ASPH: variants seen among roughly 807,000 people sequenced by gnomAD.
The protein encoded by ASPH is aspartate beta-hydroxylase, also known as aspartyl/asparaginyl beta-hydroxylase.
A neutral mutation model predicts 118.4 loss-of-function variants in ASPH; 100 were observed. That is an observed-to-expected ratio of 0.84 (90% CI 0.72 to 1.00). ASPH has a LOEUF of 1.00. Among genes scored for constraint, ASPH ranks in the 50% least tolerant of loss-of-function variants. ASPH has a pLI of 0.00. For missense variants in ASPH, 920 were observed against 919.5 expected, an observed-to-expected ratio of 1.00 and a Z score of -0.01; for synonymous variants, 315 against 325.6, an observed-to-expected ratio of 0.97 and a Z score of 0.35.
chr8:61,516,144 C>T (rs1244906246), intron 24 of ASPH, among the ~76,000 whole-genome samples: 1 of 152,288 alleles, frequency 6.6e-6, no homozygotes, highest in East Asian at 1.9e-4. Context: ...GGCCTCTGTG[C>T]CTTTAATGGA....
intron 1 of ASPH, 42 bp from the exon 2 acceptor site, chr8:61,684,230 T>A: frequency 6.4e-7 from 1 of 1,560,120 alleles, no homozygotes; most frequent in Non-Finnish European, 8.7e-7. Context: ...AAGAAAACAT[T>A]TTACTGAACA....
rs150272507 is a variant in ASPH, at chr8:61,661,714, T to C, written c.323-8054A>G. ...AAGTGTCTATGGGGAATCTTTATTA[T>C]CCAAGTATCATTATGAGGACCTCTG... On this transcript the variant is annotated intron_variant, in intron 3 of 24. Transcript: ENST00000379454. The C allele has an allele frequency of 2.3e-3, 755 of 335,354 alleles. 5 individuals are homozygous for C. Among genetic ancestry groups the C allele is most frequent in the African/African-American group, 0.014 (677 of 47,534 alleles). The allele number at this position is 335,354 out of a possible 1,614,324, so 20.8% of individuals were successfully genotyped here.
chr8:61,527,643 T>C (rs1464512153), intron 21 of ASPH, among the ~76,000 whole-genome samples: 1 of 152,142 alleles, frequency 6.6e-6, no homozygotes, highest in Non-Finnish European at 1.5e-5. Flanking sequence ...ATCTGCAGAT[T>C]AGGGAGATGC....
intron 14 of ASPH, among the ~76,000 whole-genome samples, chr8:61,612,946 C>T (rs1847914709): frequency 6.6e-6 from 1 of 152,102 alleles, no homozygotes; most frequent in Non-Finnish European, 1.5e-5. Context: ...ACCATTCAGG[C>T]TATATGCATC....
intron 1 of ASPH, 141 bp downstream of exon 1, chr8:61,714,128 C>G: frequency 8.1e-7 from 1 of 1,236,346 alleles, no homozygotes. Context: ...CTCCGCCCCG[C>G]GCGCCTAAAG....
rs148240617 is a variant in ASPH at position 61,512,149 on chromosome 8, C to A, written c.2126+5379G>T. ...AACTTTCAAGCCAGAATGCCTGGGA[C>A]TGAACCCACTACTAATATTGTAGTG... On this transcript the variant is annotated intron_variant, in intron 24 of 24. Transcript: ENST00000379454. Among the ~76,000 whole-genome samples the A allele has an allele frequency of 1.1e-4, 17 of 152,300 alleles. 1 individual carries two copies. The East Asian group carries it at 3.3e-3, about 29-fold the overall frequency.
At chr8:61,577,620 G>A (rs925980090) in intron 15 of ASPH, among the ~76,000 whole-genome samples, 96 of 152,120 alleles carry the variant, frequency 6.3e-4, no homozygotes, top group African/African-American at 2.3e-3. Context: ...TGGCTGGGGA[G>A]GCCTAAGGAA....
At chr8:61,537,845 T>G (rs62506115) in intron 21 of ASPH, among the ~76,000 whole-genome samples, 27 of 151,960 alleles carry the variant, frequency 1.8e-4, no homozygotes, top group Non-Finnish European at 3.8e-4. Flanking sequence ...TTCTCCCACA[T>G]TGACAAATAA....
chr8:61,691,711 G>A (rs1475964395), intron 1 of ASPH, among the ~76,000 whole-genome samples: 2 of 152,094 alleles, frequency 1.3e-5, no homozygotes, highest in African/African-American at 4.8e-5. Flanking sequence ...TTGATTTGGG[G>A]GAAGTCATCA....
chr8:61,653,031 G>T (rs979318214), intron 4 of ASPH, among the ~76,000 whole-genome samples: 1 of 152,072 alleles, frequency 6.6e-6, no homozygotes, highest in African/African-American at 2.4e-5. Flanking sequence ...AATATTTCAC[G>T]ACTTTCCTAC....
chr8:61,548,334 G>C, intron 20 of ASPH, 126 bp from the exon 21 acceptor site: 1 of 1,155,982 alleles, frequency 8.7e-7, no homozygotes, highest in South Asian at 1.9e-5. Context: ...CTTACTGCTA[G>C]GTACTCAAAT....
At chr8:61,579,063 T>C (rs1489685091) in intron 15 of ASPH, 13 of 1,610,848 alleles carry the variant, frequency 8.1e-6, no homozygotes, top group Non-Finnish European at 1.1e-5. Context: ...TGAGAGCATG[T>C]ACCAGATCAA....
At chr8:61,531,197 A>G (rs1219439331) in intron 21 of ASPH, among the ~76,000 whole-genome samples, 2 of 152,030 alleles carry the variant, frequency 1.3e-5, no homozygotes, top group African/African-American at 4.8e-5. Flanking sequence ...CTTTTATTCT[A>G]CCTTTTGCCA....
At chr8:61,559,561 C>T (rs1282766980) in intron 18 of ASPH, among the ~76,000 whole-genome samples, 1 of 152,058 alleles carries the variant, frequency 6.6e-6, no homozygotes, top group Non-Finnish European at 1.5e-5. Flanking sequence ...AAACTCTTTG[C>T]GTGATACATT....
At chr8:61,542,605 T>C (rs775635242) in intron 21 of ASPH, among the ~76,000 whole-genome samples, 13 of 152,192 alleles carry the variant, frequency 8.5e-5, no homozygotes, top group Non-Finnish European at 1.5e-4. Context: ...GCTTTATGCA[T>C]TGGTTTTGGA....
chr8:61,644,530 A>G (rs1383961284), intron 7 of ASPH, 70 bp downstream of exon 7: 1 of 1,072,908 alleles, frequency 9.3e-7, no homozygotes, highest in Admixed American at 2.7e-5. Context: ...AATAGATATT[A>G]TGTATTTTAT....
chr8:61,628,384 G>T (rs931288480), intron 13 of ASPH: 1 of 283,856 alleles, frequency 3.5e-6, no homozygotes, highest in Non-Finnish European at 6.6e-6. Context: ...GCCCAGGCTG[G>T]TCTCAAACTC....
chr8:61,595,797 G>A (rs987325023), intron 14 of ASPH, among the ~76,000 whole-genome samples: 1 of 152,158 alleles, frequency 6.6e-6, no homozygotes, highest in African/African-American at 2.4e-5. Context: ...ACTGGCACCT[G>A]CCATTCAGGG....
At chr8:61,633,231 A>C (rs1856361997) in intron 13 of ASPH, 2 of 155,882 alleles carry the variant, frequency 1.3e-5, no homozygotes. Context: ...ACTGACAAGC[A>C]CTGGGCAGCC....
Sources: allele counts gnomAD v4.1 joint callset (sites outside exome capture counted in the v4.1 genomes callset), GRCh38; gene constraint gnomAD v4.1.1; transcripts MANE v1.5; gene names NCBI Gene and HGNC (gene_info 2026-07-23, HGNC 2026-07-21).